ZC3H12D: variants seen among roughly 807,000 people sequenced by gnomAD.
The protein encoded by ZC3H12D is zinc finger CCCH-type containing 12D.
In ZC3H12D, 11 loss-of-function variants were observed where a neutral mutation model predicts 24.2. The ratio of observed to expected loss-of-function variants is 0.46; its 90% confidence interval spans 0.29 to 0.75. ZC3H12D has a LOEUF of 0.75. Among genes scored for constraint, ZC3H12D ranks in the 30% least tolerant of loss-of-function variants. The pLI is 0.11. For synonymous variants in ZC3H12D, 333 were observed against 341.8 expected (o/e 0.97, Z 0.28); for missense variants, 740 against 767.7 (o/e 0.96, Z 0.43).
Position 149,456,972 on chromosome 6 carries a change from G to A in ZC3H12D, c.446-72C>T. The A allele has an allele frequency of 6.9e-7, 1 of 1,449,198 alleles. No individual in the cohort carries two copies. The highest frequency in any genetic ancestry group is 1.2e-5 in the South Asian group (1 of 81,324). The allele number at this position is 1,449,198 out of a possible 1,614,324, so 89.8% of individuals were successfully genotyped here. On this transcript the variant is annotated intron_variant, in intron 3 of 5. Transcript: ENST00000409806. The surrounding 1 kb of genome is among the most constrained non-coding windows in gnomAD (Gnocchi z 4.3). ...CCCCTGAGAACCACCCCCAACGCGA[G>A]GCCACCCGCTTCCCGGGCCGGTCAG... is the stretch of plus-strand genomic sequence containing the variant.
chr6:149,459,368 G>A (rs1288844086), intron 3 of ZC3H12D, among the ~76,000 whole-genome samples: 1 of 152,172 alleles, frequency 6.6e-6, no homozygotes, highest in African/African-American at 2.4e-5. Flanking sequence ...ATGAAAGGTG[G>A]GGGGAGATCT....
intron 2 of ZC3H12D, among the ~76,000 whole-genome samples, chr6:149,468,687 C>T (rs1776198746): frequency 6.6e-6 from 1 of 152,216 alleles, no homozygotes; most frequent in Non-Finnish European, 1.5e-5. Flanking sequence ...AGGGGCTGAT[C>T]TGGGAGCTTT....
chr6:149,465,388 C>A (rs1340181152), intron 2 of ZC3H12D, among the ~76,000 whole-genome samples: 1 of 150,230 alleles, frequency 6.7e-6, no homozygotes, highest in Non-Finnish European at 1.5e-5. Flanking sequence ...ATAAATATCC[C>A]TTTCGCTACT....
At position 149,451,066 on chromosome 6, in the gene ZC3H12D, C is replaced by A. The variant is rs1434215092; in HGVS notation, c.1201G>T (p.Gly401Cys). ...LPSPESQFSP[G>C]DLPPPPGLQL... is the part of the protein sequence containing the mutation. ...AGGCCGGGCGGAGGCGGGAGGTCGC[C>A]CGGGGAGAACTGGCTCTCCGGGCTA... Residue 401 changes from glycine to cysteine, a missense_variant, in exon 6 of 6, where the codon GGC becomes TGC. Transcript: ENST00000409806. 7.1e-7 allele frequency: 1 copy of A among 1,401,500 alleles called. No homozygotes were observed. Among genetic ancestry groups the A allele is most frequent in the African/African-American group, 1.5e-5 (1 of 66,170 alleles). 86.8% of individuals were successfully genotyped at this position (1,401,500 alleles called of 1,614,324 possible).
In ZC3H12D at chr6:149,456,658, G is replaced by A. The variant is rs1260495138; in HGVS notation, c.680+8C>T. On this transcript the variant is annotated splice_region_variant and intron_variant, in intron 4 of 5. Coordinates refer to ENST00000409806, the MANE Select transcript of ZC3H12D (RefSeq NM_207360.3). This position sits in a 1 kb window ranked among gnomAD's most constrained non-coding sequence, Gnocchi z 4.3. ...CCCCCAGGGTGTCAGGACCCCAGCCGGACCTACCGGTCGTTGACGAAGGAG... is the reference window on the plus strand; with the variant it reads ...CCCCCAGGGTGTCAGGACCCCAGCCAGACCTACCGGTCGTTGACGAAGGAG... 5 of 1,047,804 alleles carry A rather than the reference G, an allele frequency of 4.8e-6. No homozygotes were observed. In the East Asian group the frequency reaches 1.2e-4, roughly 24 times the overall value. 64.9% of individuals were successfully genotyped at this position (1,047,804 alleles called of 1,614,324 possible). A position where few individuals can be genotyped will look rare whatever the true frequency, so the allele number is the denominator to read the frequency against.
intron 1 of ZC3H12D, among the ~76,000 whole-genome samples, chr6:149,479,386 A>G (rs1339185): frequency 0.18 from 27,234 of 152,116 alleles, 3,595 homozygotes; most frequent in East Asian, 0.72. Flanking sequence ...AATTTAAAAA[A>G]CAAACAAAAA....
chr6:149,476,709 G>A (rs965826736), intron 1 of ZC3H12D, among the ~76,000 whole-genome samples: 1 of 152,170 alleles, frequency 6.6e-6, no homozygotes. Flanking sequence ...TTAGGAGGCT[G>A]AGACGGGAAA....
intron 2 of ZC3H12D, among the ~76,000 whole-genome samples, chr6:149,463,778 A>T (rs1458143226): frequency 1.3e-5 from 2 of 152,192 alleles, no homozygotes. Context: ...TTTATTTAGA[A>T]GGTCAAATCT....
intron 1 of ZC3H12D, among the ~76,000 whole-genome samples, chr6:149,480,722 G>C (rs2115015156): frequency 6.6e-6 from 1 of 151,246 alleles, no homozygotes; most frequent in East Asian, 1.9e-4. Context: ...AGCAACAAGA[G>C]CGAAACTCTG....
chr6:149,463,056 CCTGA>C (rs1776100482), intron 2 of ZC3H12D, among the ~76,000 whole-genome samples: 1 of 152,202 alleles, frequency 6.6e-6, no homozygotes, highest in African/African-American at 2.4e-5. Flanking sequence ...TTCAGAGAAT[CCTGA>C]CTAATACGGC....
At chr6:149,472,328 G>A (rs1234670068) in intron 2 of ZC3H12D, among the ~76,000 whole-genome samples, 1 of 152,146 alleles carries the variant, frequency 6.6e-6, no homozygotes, top group Admixed American at 6.5e-5. Context: ...GGGAGGGGAT[G>A]TGTGTGTGTA....
chr6:149,455,620 C>T (rs938152194), intron 4 of ZC3H12D, among the ~76,000 whole-genome samples: 1 of 152,128 alleles, frequency 6.6e-6, no homozygotes, highest in Non-Finnish European at 1.5e-5. Flanking sequence ...CAGCCATAGC[C>T]GGTTGGTCTG....
In ZC3H12D at chr6:149,451,377, G is replaced by GC; in HGVS notation, c.889dup (p.Ala297GlyfsTer97). 1 of 1,548,134 alleles carries GC rather than the reference G, an allele frequency of 6.5e-7. No individual in the cohort carries two copies. Among genetic ancestry groups the GC allele is most frequent in the Non-Finnish European group, 8.6e-7 (1 of 1,159,308 alleles). On this transcript the variant is annotated frameshift_variant, in exon 6 of 6. Coordinates refer to ENST00000409806, the MANE Select transcript of ZC3H12D (RefSeq NM_207360.3). LOFTEE classifies it low-confidence loss of function (END_TRUNC). ...CTCCTCGGCGCCCGCGCCAGGCCGGGCCCCTGTCTTGGCGCGGAGCTCGTC... is the reference window on the plus strand; with the variant it reads ...CTCCTCGGCGCCCGCGCCAGGCCGGGCCCCCTGTCTTGGCGCGGAGCTCGTC...
At position 149,456,622 on chromosome 6, in the gene ZC3H12D, C is replaced by CCCCCCCCCCCCCCCCCCGGGTCAGG; in HGVS notation, c.680+43_680+44insCCTGACCCGGGGGGGGGGGGGGGGG. 7.6e-7 allele frequency: 1 copy of CCCCCCCCCCCCCCCCCCGGGTCAGG among 1,314,360 alleles called. No individual in the cohort carries two copies. The highest frequency in any genetic ancestry group is 1.1e-6 in the Non-Finnish European group (1 of 921,308). 81.4% of individuals were successfully genotyped at this position (1,314,360 alleles called of 1,614,324 possible). Reference sequence around the variant, plus strand: ...GGCCACTGCCTCGACCCCGGCCCCCCGCCCCGCCGCCCCCCAGGGTGTCAG... The same window carrying CCCCCCCCCCCCCCCCCCGGGTCAGG: ...GGCCACTGCCTCGACCCCGGCCCCCCCCCCCCCCCCCCCCCCCGGGTCAGGGCCCCGCCGCCCCCCAGGGTGTCAG... On this transcript the variant is annotated intron_variant, in intron 4 of 5. Transcript: ENST00000409806. The surrounding 1 kb of genome is among the most constrained non-coding windows in gnomAD (Gnocchi z 4.3).
Position 149,481,704 on chromosome 6 carries a change from C to T in ZC3H12D, c.-71+3109G>A, listed in dbSNP as rs145444315. Among the ~76,000 whole-genome samples, 746 of 148,852 alleles carry T rather than the reference C, an allele frequency of 5.0e-3. 9 individuals are homozygous for T. The highest frequency in any genetic ancestry group is 0.017 in the African/African-American group (709 of 40,696). ...TCAGCCTTTGTATCCAAGGCCTTCC[C>T]GTTACACCTGGTGGGAAGATGGGGT... On this transcript the variant is annotated intron_variant, in intron 1 of 5. Coordinates refer to ENST00000409806, the MANE Select transcript of ZC3H12D (RefSeq NM_207360.3).
rs886155259 is a variant in ZC3H12D at position 149,450,806 on chromosome 6, G to A, written c.1461C>T (p.Ser487=). The A allele has an allele frequency of 7.8e-6, 12 of 1,548,190 alleles. No homozygotes were observed. Among genetic ancestry groups the A allele is most frequent in the Middle Eastern group, 1.7e-4 (1 of 5,978 alleles). The change falls in exon 6 of 6, where the codon AGC becomes AGT. Residue 487 remains serine (S), a synonymous_variant. Transcript: ENST00000409806. The stretch of plus-strand genomic sequence containing the variant: ...GGTCCACCTGGTCACGCGGGAAGAC[G>A]CTGTAGAGCGCGATGCGAGCCCGGG... The part of the protein sequence containing the change: ...ARARARIALY[S]VFPRDQVDRV...
chr6:149,474,036 C>T (rs571480629), intron 2 of ZC3H12D, among the ~76,000 whole-genome samples: 2 of 152,180 alleles, frequency 1.3e-5, no homozygotes, highest in Admixed American at 6.5e-5. Context: ...TTATCCCAAC[C>T]GTACAGATGG....
intron 1 of ZC3H12D, 56 bp from the exon 2 acceptor site, chr6:149,474,669 G>A: frequency 1.1e-6 from 1 of 912,178 alleles, no homozygotes; most frequent in Non-Finnish European, 1.5e-6. Flanking sequence ...TGGGGCAAGG[G>A]CAAGGTGTGC....
chr6:149,455,931 A>C (rs1308706684), intron 4 of ZC3H12D, among the ~76,000 whole-genome samples: 4 of 148,018 alleles, frequency 2.7e-5, no homozygotes, highest in Non-Finnish European at 4.5e-5. Flanking sequence ...GCCTACTCCC[A>C]TATGTAATTC....
Sources: gnomAD v4.1 joint callset for allele counts (sites outside exome capture counted in the v4.1 genomes callset) on GRCh38, gnomAD v4.1.1 for gene constraint, Gnocchi (gnomAD v3.1) non-coding constraint, MANE v1.5 for transcripts, NCBI Gene and HGNC (gene_info 2026-07-23, HGNC 2026-07-21) for gene names.